Variants in RIC1 observed in about 807,000 individuals in gnomAD.
The protein encoded by RIC1 is RIC1 partner of RAB6A GEF complex, also known as guanine nucleotide exchange factor subunit RIC1.
Under a neutral mutation model 169.0 loss-of-function variants are expected in RIC1, and 88 were observed. The ratio of observed to expected loss-of-function variants is 0.52; its 90% CI spans 0.44 to 0.62. The LOEUF is 0.62. RIC1 is among the 20% of genes least tolerant of loss of function. RIC1 has a pLI of 0.00. For missense variants in RIC1, 1,877 were observed against 1,725.5 expected (o/e 1.09, Z -1.56); for synonymous variants, 790 against 601.5 (o/e 1.31, Z -4.59).
At chr9:5,725,093 C>T (rs1307041500) in intron 6 of RIC1, among the ~76,000 whole-genome samples, 2 of 152,102 alleles carry the variant, frequency 1.3e-5, no homozygotes, top group Non-Finnish European at 2.9e-5. Context: ...GGGAGGGTTC[C>T]CTCTTTTTCT....
At chr9:5,686,541 A>G (rs1821238544) in intron 2 of RIC1, among the ~76,000 whole-genome samples, 1 of 148,818 alleles carries the variant, frequency 6.7e-6, no homozygotes, top group Middle Eastern at 3.5e-3. Context: ...AAAACCAAAC[A>G]CCGCATATTC....
chr9:5,769,807 C>G (rs1220468055), intron 22 of RIC1: 1 of 321,808 alleles, frequency 3.1e-6, no homozygotes, highest in Non-Finnish European at 5.6e-6. Flanking sequence ...ATCTTAAGAG[C>G]CAAAGCAAAT....
At chr9:5,681,029 T>C (rs939768930) in intron 2 of RIC1, among the ~76,000 whole-genome samples, 1 of 151,206 alleles carries the variant, frequency 6.6e-6, no homozygotes, top group African/African-American at 2.4e-5. Context: ...GGTTTCACCT[T>C]GTTAGCCAGG....
chr9:5,683,590 G>A (rs948644358), intron 2 of RIC1, among the ~76,000 whole-genome samples: 1 of 152,194 alleles, frequency 6.6e-6, no homozygotes, highest in Non-Finnish European at 1.5e-5. Flanking sequence ...CTACTCAGGG[G>A]TCAGGGACCC....
At position 5,735,931 on chromosome 9, in the gene RIC1, T is replaced by C. The variant is rs143035392; in HGVS notation, c.813-2519T>C. The stretch of plus-strand genomic sequence containing the variant: ...ATGGTGATAATAGTCATATCTCTCT[T>C]ATAGAGATTTGCTTTGGAGTTAGTA... On this transcript the variant is annotated intron_variant, in intron 7 of 25. Coordinates refer to ENST00000414202, the MANE Select transcript of RIC1 (RefSeq NM_020829.4). Among the ~76,000 whole-genome samples, 1,278 of 152,364 alleles carry C rather than the reference T, an allele frequency of 8.4e-3. 14 individuals are homozygous for C. The highest frequency in any genetic ancestry group is 0.03 in the African/African-American group (1,230 of 41,582).
At chr9:5,734,187 A>T (rs766391987) in intron 7 of RIC1, among the ~76,000 whole-genome samples, 1 of 151,300 alleles carries the variant, frequency 6.6e-6, no homozygotes. Context: ...GCTCACCGCA[A>T]CCTCTGCCTC....
intron 7 of RIC1, among the ~76,000 whole-genome samples, chr9:5,734,002 C>T (rs1254824862): frequency 6.8e-6 from 1 of 146,090 alleles, no homozygotes; most frequent in East Asian, 2.0e-4. Context: ...TGATTCAATT[C>T]AGTTTTTAAA....
intron 4 of RIC1, 70 bp from the exon 5 acceptor site, chr9:5,720,112 G>A (rs1823495369): frequency 6.6e-6 from 8 of 1,221,146 alleles, no homozygotes; most frequent in Non-Finnish European, 9.3e-6. Context: ...ATTCTCTAAA[G>A]CAGTTTTAAT....
chr9:5,662,172 G>A (rs1296012499), intron 2 of RIC1, among the ~76,000 whole-genome samples: 4 of 152,148 alleles, frequency 2.6e-5, no homozygotes, highest in Non-Finnish European at 5.9e-5. Context: ...TGCATTCCGG[G>A]GATGAAGTCT....
intron 8 of RIC1, among the ~76,000 whole-genome samples, chr9:5,741,968 C>G (rs1441101677): frequency 6.6e-6 from 1 of 152,180 alleles, no homozygotes; most frequent in Non-Finnish European, 1.5e-5. Flanking sequence ...AGCACTACAT[C>G]AGTCTGTGAC....
At chr9:5,641,589 A>G (rs1818250178) in intron 1 of RIC1, among the ~76,000 whole-genome samples, 1 of 151,908 alleles carries the variant, frequency 6.6e-6, no homozygotes, top group South Asian at 2.1e-4. Context: ...TTTTTTAGGC[A>G]TGCTTCACTG....
chr9:5,769,124 C>T lies in RIC1; in HGVS notation c.3292C>T (p.Arg1098Cys), dbSNP rs570380714. The T allele has an allele frequency of 1.1e-5, 18 of 1,614,092 alleles. No homozygotes were observed. The highest frequency in any genetic ancestry group is 8.3e-5 in the Admixed American group (5 of 60,020). The change falls in exon 22 of 26, where the codon CGT (arginine) becomes TGT (cysteine). Residue 1098 changes from arginine to cysteine, a missense_variant. By Grantham distance (180) the Arg-to-Cys change is radical. Transcript: ENST00000414202. ...FELISWLCKE[R>C]TRAARVDNFV... ...ACTAATTAGTTGGCTATGCAAGGAA[C>T]GTACCCGAGCCGCCCGGGTAGACAA...
chr9:5,673,559 A>ATATATAT (rs1554663256), intron 2 of RIC1, among the ~76,000 whole-genome samples: 36 of 92,696 alleles, frequency 3.9e-4, no homozygotes, highest in African/African-American at 1.8e-3. Context: ...TATATATATA[A>ATATATAT]ATAAATGTTG....
At chr9:5,689,319 G>T (rs1821457967) in intron 2 of RIC1, among the ~76,000 whole-genome samples, 1 of 152,028 alleles carries the variant, frequency 6.6e-6, no homozygotes, top group Non-Finnish European at 1.5e-5. Flanking sequence ...CCAAAATACT[G>T]GGATTACAGG....
intron 4 of RIC1, 75 bp downstream of exon 4, chr9:5,714,078 G>A: frequency 1.1e-6 from 1 of 872,344 alleles, no homozygotes; most frequent in Non-Finnish European, 1.8e-6. Context: ...ATGACCAACA[G>A]GAAAGTTAGT....
intron 3 of RIC1, among the ~76,000 whole-genome samples, chr9:5,693,149 G>C (rs1239062557): frequency 6.6e-6 from 1 of 152,122 alleles, no homozygotes; most frequent in African/African-American, 2.4e-5. Flanking sequence ...CTGAAGAATA[G>C]AGGCAGTATA....
intron 2 of RIC1, among the ~76,000 whole-genome samples, chr9:5,679,563 G>T (rs1406913767): frequency 2.0e-5 from 3 of 152,046 alleles, no homozygotes; most frequent in Non-Finnish European, 4.4e-5. Flanking sequence ...CACATCCCTT[G>T]TAAGTTGGAT....
At chr9:5,723,489 T>G (rs1222813191) in intron 6 of RIC1, among the ~76,000 whole-genome samples, 4 of 152,180 alleles carry the variant, frequency 2.6e-5, no homozygotes, top group Non-Finnish European at 4.4e-5. Flanking sequence ...TGGTAAAAAT[T>G]TTTTCCCATT....
chr9:5,750,114 TAA>T (rs1331262815), intron 12 of RIC1, among the ~76,000 whole-genome samples: 2 of 151,702 alleles, frequency 1.3e-5, no homozygotes, highest in Non-Finnish European at 2.9e-5. Flanking sequence ...AGGTGCTTTT[TAA>T]AAAGTTTTTT....
Sources: allele counts gnomAD v4.1 joint callset (sites outside exome capture counted in the v4.1 genomes callset), GRCh38; gene constraint gnomAD v4.1.1; transcripts MANE v1.5; gene names NCBI Gene and HGNC (gene_info 2026-07-23, HGNC 2026-07-21).